TMCC2: variants seen among roughly 807,000 people sequenced by gnomAD.
The protein encoded by TMCC2 is transmembrane and coiled-coil domains protein 2.
TMCC2 carries 16 observed loss-of-function variants against 49.4 expected under a neutral mutation model. That is an observed-to-expected ratio of 0.32 (90% CI 0.22 to 0.49). TMCC2 has a LOEUF of 0.49. Among genes scored for constraint, TMCC2 ranks in the 20% least tolerant of loss-of-function variants. The probability of loss-of-function intolerance (pLI) is 0.99; values close to 1 mark genes in which losing one functional copy is unlikely to be tolerated. For synonymous variants in TMCC2, 397 were observed against 434.1 expected, an observed-to-expected ratio of 0.91 and a Z score of 1.06; for missense variants, 762 against 989.8, an observed-to-expected ratio of 0.77 and a Z score of 3.09.
At position 205,261,196 on chromosome 1, in the gene TMCC2, CTTT is replaced by C. The variant is rs34247734; in HGVS notation, c.748-7734_748-7732del. ...GCACATGCTCACCAACACTTATTTCCTTTTTTTTTTTTTTTTTTTTTTGAAGCA... is the reference window on the plus strand; with the variant it reads ...GCACATGCTCACCAACACTTATTTCCTTTTTTTTTTTTTTTTTTTGAAGCA... On this transcript the variant is annotated intron_variant, in intron 2 of 4. Coordinates refer to ENST00000358024, the MANE Select transcript of TMCC2 (RefSeq NM_014858.4). Among the ~76,000 whole-genome samples, 76 of 95,214 alleles carry C rather than the reference CTTT, an allele frequency of 8.0e-4. No homozygotes were observed. The East Asian group carries it at 8.4e-3, about 11-fold the overall frequency. 62.5% of individuals were successfully genotyped at this position (95,214 alleles called of 152,430 possible).
chr1:205,230,212 T>G (rs750261215), intron 1 of TMCC2: 8 of 977,026 alleles, frequency 8.2e-6, no homozygotes, highest in Non-Finnish European at 9.7e-6. Flanking sequence ...CCTGTCTGTG[T>G]GCCTTGGGGA....
chr1:205,270,163 C>T (rs576591948), intron 3 of TMCC2, among the ~76,000 whole-genome samples: 57 of 152,280 alleles, frequency 3.7e-4, no homozygotes, highest in Admixed American at 1.9e-3. Flanking sequence ...TCTCCTGCCT[C>T]GGCCTCCTGA....
At chr1:205,268,068 G>A (rs1015412167) in intron 2 of TMCC2, 2 of 985,352 alleles carry the variant, frequency 2.0e-6, no homozygotes, top group African/African-American at 3.5e-5. Flanking sequence ...AGGTAATGGA[G>A]GGCCTGGGAG....
At chr1:205,233,092 TG>T (rs1421549206) in intron 1 of TMCC2, among the ~76,000 whole-genome samples, 1 of 150,420 alleles carries the variant, frequency 6.6e-6, no homozygotes, top group Admixed American at 6.6e-5. Flanking sequence ...TGATATGTGA[TG>T]GAAGTCTGAA....
Position 205,267,982 on chromosome 1 carries a change from C to A in TMCC2, c.748-968C>A, listed in dbSNP as rs549048149. On this transcript the variant is annotated intron_variant, in intron 2 of 4. Transcript: ENST00000358024. ...GGTGGGGCATGCTCCTCTCCCAATT[C>A]TCGGATACTAGGAAGGACTGGGGGC... 6.1e-6 allele frequency: 6 copies of A among 985,398 alleles called. No homozygotes were observed. In the Admixed American group the frequency reaches 3.7e-4, roughly 61 times the overall value. The allele number at this position is 985,398 out of a possible 1,614,324, so 61.0% of individuals were successfully genotyped here.
intron 2 of TMCC2, among the ~76,000 whole-genome samples, chr1:205,255,607 G>A (rs773115419): frequency 6.6e-6 from 1 of 152,146 alleles, no homozygotes; most frequent in Non-Finnish European, 1.5e-5. Context: ...AGCTGTCTTT[G>A]TTTCTACCTG....
intron 1 of TMCC2, chr1:205,229,642 T>A: frequency 1.0e-6 from 1 of 984,136 alleles, no homozygotes; most frequent in Non-Finnish European, 1.2e-6. Flanking sequence ...GATCTCTGCC[T>A]GCCTGCTGAA....
At position 205,242,011 on chromosome 1, in the gene TMCC2, C is replaced by G; in HGVS notation, c.714C>G (p.Leu238=). 1 of 1,604,352 alleles carries G rather than the reference C, an allele frequency of 6.2e-7. No individual in the cohort carries two copies. The highest frequency in any genetic ancestry group is 8.5e-7 in the Non-Finnish European group (1 of 1,176,046). The change falls in exon 2 of 5, where the codon CTC becomes CTG. Residue 238 remains leucine (L), a synonymous_variant. Transcript: ENST00000358024. ...LLLADGSNVY[L]LAEEAEGIGD... ...TGGCCGACGGCAGCAACGTGTACCT[C>G]CTGGCTGAGGAGGCCGAAGGCATCG... is the stretch of plus-strand genomic sequence containing the variant.
Position 205,269,791 on chromosome 1 carries a change from A to G in TMCC2, c.1589A>G (p.Gln530Arg), listed in dbSNP as rs564691528. The G allele has an allele frequency of 6.2e-7, 1 of 1,614,194 alleles. No individual in the cohort carries two copies. Among genetic ancestry groups the G allele is most frequent in the Admixed American group, 1.7e-5 (1 of 60,032 alleles). ...LEELREIKEG[Q>R]SHLEDSMEDL... ...GAGCTACGGGAGATCAAGGAGGGACAGTCTCACCTGGAGGACTCCATGGAA... is the reference window on the plus strand; with the variant it reads ...GAGCTACGGGAGATCAAGGAGGGACGGTCTCACCTGGAGGACTCCATGGAA... The change falls in exon 3 of 5, where the codon CAG becomes CGG. Residue 530 changes from glutamine to arginine, a missense_variant. Coordinates refer to ENST00000358024, the MANE Select transcript of TMCC2 (RefSeq NM_014858.4).
intron 2 of TMCC2, among the ~76,000 whole-genome samples, chr1:205,244,448 G>A (rs188209635): frequency 9.9e-5 from 15 of 152,268 alleles, no homozygotes; most frequent in African/African-American, 2.9e-4. Context: ...GAAACCAAAG[G>A]TGCAAGTGTT....
At chr1:205,237,579 C>A (rs1411524261) in intron 1 of TMCC2, among the ~76,000 whole-genome samples, 1 of 152,266 alleles carries the variant, frequency 6.6e-6, no homozygotes, top group Admixed American at 6.5e-5. Flanking sequence ...TTAGAAACCA[C>A]TTTTGGTCAT....
intron 1 of TMCC2, among the ~76,000 whole-genome samples, chr1:205,232,471 C>T (rs1174563073): frequency 6.6e-6 from 1 of 152,132 alleles, no homozygotes; most frequent in Non-Finnish European, 1.5e-5. Flanking sequence ...TAACAGATTC[C>T]CTGCTTGTTG....
Position 205,260,290 on chromosome 1 carries a change from C to G in TMCC2, c.748-8660C>G, listed in dbSNP as rs561947029. On this transcript the variant is annotated intron_variant, in intron 2 of 4. Coordinates refer to ENST00000358024, the MANE Select transcript of TMCC2 (RefSeq NM_014858.4). Reference sequence around the variant, plus strand: ...GCTGGGTGGCATGGGCCAAACAGGACTCTGTGATGGTCTGGAGAGAGGAGC... The same window carrying G: ...GCTGGGTGGCATGGGCCAAACAGGAGTCTGTGATGGTCTGGAGAGAGGAGC... 8.3e-3 allele frequency among the ~76,000 whole-genome samples: 1,257 copies of G among 152,324 alleles called. 9 individuals carry two copies. The highest frequency in any genetic ancestry group is 0.013 in the Non-Finnish European group (914 of 68,026).
At chr1:205,246,566 G>A in intron 2 of TMCC2, 7 of 1,548,538 alleles carry the variant, frequency 4.5e-6, no homozygotes, top group Non-Finnish European at 6.1e-6. Context: ...TGCACGCGTT[G>A]GCTAAAAGGG....
intron 1 of TMCC2, among the ~76,000 whole-genome samples, chr1:205,233,199 CT>C (rs1659879335): frequency 6.6e-6 from 1 of 152,174 alleles, no homozygotes; most frequent in African/African-American, 2.4e-5. Flanking sequence ...TGGCCATGGG[CT>C]TTCCCCCTGG....
chr1:205,232,978 A>C, intron 1 of TMCC2, among the ~76,000 whole-genome samples: 3 of 121,974 alleles, frequency 2.5e-5, no homozygotes, highest in Admixed American at 2.1e-4. Context: ...AAACACACAC[A>C]CAAAAAACAA....
intron 2 of TMCC2, among the ~76,000 whole-genome samples, chr1:205,249,730 A>T (rs116048934): frequency 1.3e-5 from 2 of 152,294 alleles, no homozygotes; most frequent in Admixed American, 1.3e-4. Flanking sequence ...CCTCCATCCC[A>T]TCTCATCTCT....
intron 2 of TMCC2, among the ~76,000 whole-genome samples, chr1:205,250,256 A>G (rs1325945439): frequency 6.6e-6 from 1 of 152,112 alleles, no homozygotes; most frequent in Non-Finnish European, 1.5e-5. Flanking sequence ...GATTGAAAAT[A>G]TCGGCCGGGC....
rs557362726 is a variant in TMCC2 at position 205,239,952 on chromosome 1, T to G, written c.208-1553T>G. 1.3e-5 allele frequency among the ~76,000 whole-genome samples: 2 copies of G among 152,208 alleles called. 1 individual carries two copies. Among genetic ancestry groups the G allele is most frequent in the African/African-American group, 4.8e-5 (2 of 41,532 alleles). ...TTTCTATATGGTCTAGATTTTCTGC[T>G]CTGTAAGTTTGTTTCTAGGGAAAAA... is the stretch of plus-strand genomic sequence containing the variant. On this transcript the variant is annotated intron_variant, in intron 1 of 4. Coordinates refer to ENST00000358024, the MANE Select transcript of TMCC2 (RefSeq NM_014858.4).
Sources: allele counts gnomAD v4.1 joint callset (sites outside exome capture counted in the v4.1 genomes callset), GRCh38; gene constraint gnomAD v4.1.1; transcripts MANE v1.5; gene names NCBI Gene and HGNC (gene_info 2026-07-23, HGNC 2026-07-21).